The following DESI1 variants were observed in gnomAD, a reference collection of about 807,000 sequenced individuals.
DESI1 encodes the protein PPPDE peptidase domain containing 2.
In DESI1, 17 loss-of-function variants were observed where a neutral mutation model predicts 22.4. That is an observed-to-expected ratio of 0.76 (90% CI 0.52 to 1.14). The LOEUF (loss-of-function observed/expected upper bound fraction) is 1.14. DESI1 is among the 50% of genes most tolerant of loss of function. The pLI, the probability that DESI1 is intolerant of heterozygous loss-of-function variation, is 0.00. For missense variants in DESI1, 177 were observed against 208.9 expected (o/e 0.85, Z 0.94); for synonymous variants, 92 against 84.2 (o/e 1.09, Z -0.51).
chr22:41,607,098 G>A (rs2067487505), intron 3 of DESI1, among the ~76,000 whole-genome samples, 164 bp downstream of exon 3: 1 of 152,184 alleles, frequency 6.6e-6, no homozygotes, highest in African/African-American at 2.4e-5. Context: ...GGAACAGAGA[G>A]GAGAGGAACT....
At chr22:41,603,218 A>G (rs754467414) in intron 5 of DESI1, 41 bp downstream of exon 5, 6 of 1,613,194 alleles carry the variant, frequency 3.7e-6, no homozygotes, top group Non-Finnish European at 5.1e-6. Flanking sequence ...GGGATTTTCA[A>G]GGTTGGCCAA....
intron 3 of DESI1, among the ~76,000 whole-genome samples, chr22:41,605,736 G>A (rs2067475425): frequency 6.6e-6 from 1 of 152,158 alleles, no homozygotes; most frequent in Admixed American, 6.5e-5. Flanking sequence ...AGTGTAGCAG[G>A]GAAGGGAAAC....
intron 1 of DESI1, among the ~76,000 whole-genome samples, chr22:41,618,513 CT>C (rs1265325710): frequency 6.6e-6 from 1 of 152,154 alleles, no homozygotes; most frequent in African/African-American, 2.4e-5. Context: ...CAAAGAACAT[CT>C]TTGTTCATTA....
Position 41,600,123 on chromosome 22 carries a change from G to A in DESI1, c.*974C>T, listed in dbSNP as rs2067441687. 6.6e-6 allele frequency: 1 copy of A among 152,128 alleles called. No homozygotes were observed. Among genetic ancestry groups the A allele is most frequent in the South Asian group, 2.1e-4 (1 of 4,824 alleles). The allele number at this position is 152,128 out of a possible 1,614,324, so 9.4% of individuals were successfully genotyped here. ...GAACCCGGGAGGCAGAGGTTTCTGT[G>A]AGCCGAGATCATGCCACTGCACACC... On this transcript the variant is annotated 3_prime_UTR_variant, in exon 6 of 6. Transcript: ENST00000263256.
At chr22:41,605,281 G>A (rs1377003238) in intron 3 of DESI1, among the ~76,000 whole-genome samples, 1 of 152,164 alleles carries the variant, frequency 6.6e-6, no homozygotes, top group Non-Finnish European at 1.5e-5. Context: ...ATAGGGCAAG[G>A]GAGTTAATGG....
At chr22:41,606,766 T>TC (rs1428160331) in intron 3 of DESI1, among the ~76,000 whole-genome samples, 1 of 84,396 alleles carries the variant, frequency 1.2e-5, no homozygotes, top group East Asian at 4.0e-4. Context: ...GGAGCGAGAC[T>TC]CCATCTCAAA....
At chr22:41,615,029 T>C (rs2067541950) in intron 1 of DESI1, among the ~76,000 whole-genome samples, 1 of 151,716 alleles carries the variant, frequency 6.6e-6, no homozygotes, top group African/African-American at 2.4e-5. Context: ...CCACATGCAG[T>C]GGCTCACGCC....
intron 1 of DESI1, among the ~76,000 whole-genome samples, chr22:41,613,955 C>T (rs1238259261): frequency 6.6e-6 from 1 of 152,172 alleles, no homozygotes; most frequent in African/African-American, 2.4e-5. Context: ...TCCTATTCAA[C>T]TGCATCAAGG....
intron 1 of DESI1, among the ~76,000 whole-genome samples, chr22:41,616,274 T>C (rs1426665505): frequency 6.6e-6 from 1 of 152,166 alleles, no homozygotes; most frequent in Admixed American, 6.6e-5. Context: ...AGGACAGAGT[T>C]CACGTCATAT....
chr22:41,616,211 C>A (rs2147049773), intron 1 of DESI1, among the ~76,000 whole-genome samples: 1 of 152,280 alleles, frequency 6.6e-6, no homozygotes, highest in Middle Eastern at 3.4e-3. Context: ...TCATTACACT[C>A]CAGCCTGGGC....
At position 41,599,657 on chromosome 22, in the gene DESI1, T is replaced by G. The variant is rs1485294332; in HGVS notation, c.*1440A>C. ...TCATCGCAATCTCTGCCTCCCGGGTTCAAGCGATTCTCCTGCCTCAGCCTC... is the reference window on the plus strand; with the variant it reads ...TCATCGCAATCTCTGCCTCCCGGGTGCAAGCGATTCTCCTGCCTCAGCCTC... On this transcript the variant is annotated 3_prime_UTR_variant, in exon 6 of 6. Coordinates refer to ENST00000263256, the MANE Select transcript of DESI1 (RefSeq NM_015704.3). 6.6e-6 allele frequency: 1 copy of G among 152,010 alleles called. No individual in the cohort carries two copies. The highest frequency in any genetic ancestry group is 1.5e-5 in the Non-Finnish European group (1 of 68,070). 9.4% of individuals were successfully genotyped at this position (152,010 alleles called of 1,614,324 possible).
chr22:41,607,890 T>C lies in DESI1; in HGVS notation c.89-29A>G, dbSNP rs770575676. On this transcript the variant is annotated intron_variant, in intron 1 of 5. Transcript: ENST00000263256. ...TGGAGAGAAGAAGAGATTTAGCCAC[T>C]TGGGACTAGAATAAGTGGCCCCTCA... 5 of 1,613,892 alleles carry C rather than the reference T, an allele frequency of 3.1e-6. No homozygotes were observed. In the Admixed American group the frequency reaches 6.7e-5, roughly 22 times the overall value.
In DESI1 at chr22:41,620,810, C is replaced by T. The variant is rs776769332; in HGVS notation, c.30G>A (p.Lys10=). 6.8e-6 allele frequency: 11 copies of T among 1,612,458 alleles called. No individual in the cohort carries two copies. The highest frequency in any genetic ancestry group is 9.3e-6 in the Non-Finnish European group (11 of 1,179,330). The part of the protein sequence containing the change: MEPPNLYPV[K]LYVYDLSKGL... Reference sequence around the variant, plus strand: ...CTTTGGACAGGTCGTACACGTAGAGCTTCACCGGATAGAGATTCGGCGGCT... The same window carrying T: ...CTTTGGACAGGTCGTACACGTAGAGTTTCACCGGATAGAGATTCGGCGGCT... The change falls in exon 1 of 6, where the codon AAG becomes AAA. Residue 10 remains lysine, a synonymous_variant. Coordinates refer to ENST00000263256, the MANE Select transcript of DESI1 (RefSeq NM_015704.3).
At chr22:41,611,591 C>CTTTTTT (rs132764) in intron 1 of DESI1, among the ~76,000 whole-genome samples, 1 of 103,902 alleles carries the variant, frequency 9.6e-6, no homozygotes, top group African/African-American at 3.7e-5. Flanking sequence ...CCTGTTCCTT[C>CTTTTTT]TTTTTTTTTT....
At chr22:41,616,122 A>C (rs2067549187) in intron 1 of DESI1, among the ~76,000 whole-genome samples, 2 of 152,122 alleles carry the variant, frequency 1.3e-5, no homozygotes, top group Non-Finnish European at 2.9e-5. Flanking sequence ...ACATGTCTGT[A>C]ATCCCAGCTC....
rs2067444965 is a variant in DESI1, at chr22:41,600,716, G to A, written c.*381C>T. On this transcript the variant is annotated 3_prime_UTR_variant, in exon 6 of 6. Coordinates refer to ENST00000263256, the MANE Select transcript of DESI1 (RefSeq NM_015704.3). ...AACTCACCTGGGTCCCACAGGTGTT[G>A]GCAACTTGGGTAGAGCGTGAGTGTT... 1 of 193,534 alleles carries A rather than the reference G, an allele frequency of 5.2e-6. No individual in the cohort carries two copies. Among genetic ancestry groups the A allele is most frequent in the Non-Finnish European group, 1.1e-5 (1 of 91,378 alleles). 12.0% of individuals were successfully genotyped at this position (193,534 alleles called of 1,614,324 possible).
At chr22:41,609,844 T>C (rs576455569) in intron 1 of DESI1, among the ~76,000 whole-genome samples, 2 of 151,064 alleles carry the variant, frequency 1.3e-5, no homozygotes, top group East Asian at 2.0e-4. Context: ...TCCCAGCACT[T>C]TGGGAGGCCG....
At chr22:41,610,735 T>G (rs1438933320) in intron 1 of DESI1, among the ~76,000 whole-genome samples, 1 of 151,852 alleles carries the variant, frequency 6.6e-6, no homozygotes, top group Non-Finnish European at 1.5e-5. Context: ...TAGCTGGGCG[T>G]GGTGGCAGGC....
intron 1 of DESI1, among the ~76,000 whole-genome samples, chr22:41,609,102 C>T (rs1030567275): frequency 1.3e-5 from 2 of 152,068 alleles, no homozygotes; most frequent in Admixed American, 6.6e-5. Flanking sequence ...CCACCAAGCC[C>T]GGCTGATTTT....
Sources: allele counts gnomAD v4.1 joint callset (sites outside exome capture counted in the v4.1 genomes callset), GRCh38; gene constraint gnomAD v4.1.1; transcripts MANE v1.5; gene names NCBI Gene and HGNC (gene_info 2026-07-23, HGNC 2026-07-21).